SGCZ: variants seen among roughly 807,000 people sequenced by gnomAD.
SGCZ encodes sarcoglycan zeta.
In SGCZ, 40 loss-of-function variants were observed where a neutral mutation model predicts 41.3. That is an observed-to-expected ratio of 0.97 (90% CI 0.75 to 1.26). The LOEUF (loss-of-function observed/expected upper bound fraction) is 1.26, where lower values mean the gene tolerates loss of function less well. SGCZ is among the 50% of genes most tolerant of loss of function. The probability of loss-of-function intolerance (pLI) is 0.00; values close to 1 mark genes in which losing one functional copy is unlikely to be tolerated. For missense variants in SGCZ, 552 were observed against 369.8 expected (o/e 1.49, Z -4.04); for synonymous variants, 206 against 137.5 (o/e 1.50, Z -3.49).
intron 1 of SGCZ, among the ~76,000 whole-genome samples, chr8:14,928,586 A>G (rs1044099382): frequency 6.6e-6 from 1 of 152,234 alleles, no homozygotes; most frequent in Non-Finnish European, 1.5e-5. Flanking sequence ...AAATGAAAAC[A>G]AAGTAGTTTA....
intron 1 of SGCZ, among the ~76,000 whole-genome samples, chr8:15,164,440 G>A (rs1799595899): frequency 6.6e-6 from 1 of 152,086 alleles, no homozygotes; most frequent in African/African-American, 2.4e-5. Flanking sequence ...ACGGGTTTGG[G>A]AGCCACTGGC....
intron 1 of SGCZ, among the ~76,000 whole-genome samples, chr8:15,173,298 G>T (rs754195672): frequency 1.3e-5 from 2 of 152,132 alleles, no homozygotes; most frequent in Non-Finnish European, 2.9e-5. Flanking sequence ...AGATCTCCAG[G>T]AATTTTTCAT....
At chr8:15,200,700 A>T (rs1800862985) in intron 1 of SGCZ, among the ~76,000 whole-genome samples, 1 of 152,212 alleles carries the variant, frequency 6.6e-6, no homozygotes, top group Admixed American at 6.5e-5. Flanking sequence ...AGTAGATCAG[A>T]AATGCAAGTT....
At chr8:14,702,971 A>C (rs1451856041) in intron 1 of SGCZ, among the ~76,000 whole-genome samples, 2 of 49,746 alleles carry the variant, frequency 4.0e-5, no homozygotes, top group African/African-American at 1.6e-4. Context: ...ATAGATAGAT[A>C]GACAGACAGA....
intron 1 of SGCZ, among the ~76,000 whole-genome samples, chr8:14,867,073 C>G (rs766068952): frequency 3.9e-5 from 6 of 152,102 alleles, no homozygotes; most frequent in Non-Finnish European, 7.4e-5. Context: ...TTCCCAATGT[C>G]TAGGTCATTC....
At chr8:14,785,967 A>C (rs1032994984) in intron 1 of SGCZ, among the ~76,000 whole-genome samples, 1 of 147,668 alleles carries the variant, frequency 6.8e-6, no homozygotes, top group Non-Finnish European at 1.5e-5. Context: ...CTCCAAAAAA[A>C]GTGACTCACA....
At chr8:14,717,520 G>A (rs1809730604) in intron 1 of SGCZ, among the ~76,000 whole-genome samples, 1 of 152,100 alleles carries the variant, frequency 6.6e-6, no homozygotes, top group African/African-American at 2.4e-5. Context: ...GACTCAAGGA[G>A]AGGAGAGTTC....
rs79891279 is a variant in SGCZ, at chr8:14,690,279, T to C, written c.40-135353A>G. 342 of 152,260 alleles carry C rather than the reference T, an allele frequency of 2.2e-3. 3 individuals carry two copies. Among genetic ancestry groups the C allele is most frequent in the African/African-American group, 8.1e-3 (335 of 41,548 alleles). 9.4% of individuals were successfully genotyped at this position (152,260 alleles called of 1,614,324 possible). A position where few individuals can be genotyped will look rare whatever the true frequency, so the allele number is the denominator to read the frequency against. On this transcript the variant is annotated intron_variant, in intron 1 of 7. Transcript: ENST00000382080. ...ATGTAGTTTATCCTCCTTGTTTGAC[T>C]AGTTCCACAATTTCAAAAGTCACTC...
chr8:14,447,414 A>G (rs1378516230), intron 2 of SGCZ, among the ~76,000 whole-genome samples: 1 of 152,188 alleles, frequency 6.6e-6, no homozygotes, highest in African/African-American at 2.4e-5. Context: ...CATCTAATGG[A>G]ATCCCAGGCA....
chr8:14,165,319 T>C (rs1398354866), intron 4 of SGCZ: 1 of 152,176 alleles, frequency 6.6e-6, no homozygotes, highest in East Asian at 1.9e-4. Flanking sequence ...ATTTTCCTGA[T>C]TTATTGAAAA....
intron 3 of SGCZ, among the ~76,000 whole-genome samples, chr8:14,280,641 G>T (rs1260330506): frequency 1.3e-5 from 2 of 151,854 alleles, no homozygotes; most frequent in African/African-American, 4.8e-5. Flanking sequence ...TAAATATTAA[G>T]AAATGGCAGT....
intron 1 of SGCZ, among the ~76,000 whole-genome samples, chr8:15,195,506 T>C (rs1800693837): frequency 6.6e-6 from 1 of 152,200 alleles, no homozygotes; most frequent in South Asian, 2.1e-4. Flanking sequence ...TTTTGTCTCC[T>C]GCAAGTTTGT....
intron 1 of SGCZ, among the ~76,000 whole-genome samples, chr8:15,234,854 G>A (rs968092262): frequency 9.9e-5 from 15 of 152,130 alleles, no homozygotes; most frequent in African/African-American, 3.4e-4. Context: ...AAAACCTGAG[G>A]TAAGCAGCTT....
At chr8:14,245,248 T>C (rs1380940576) in intron 3 of SGCZ, among the ~76,000 whole-genome samples, 1 of 152,072 alleles carries the variant, frequency 6.6e-6, no homozygotes, top group East Asian at 1.9e-4. Flanking sequence ...AGAACAGAGA[T>C]ATAGATCAAT....
intron 2 of SGCZ, among the ~76,000 whole-genome samples, chr8:14,544,303 C>G (rs1438052318): frequency 1.3e-5 from 2 of 152,076 alleles, no homozygotes; most frequent in Non-Finnish European, 2.9e-5. Flanking sequence ...ACTGTGGTAA[C>G]TGTACAAATT....
intron 1 of SGCZ, among the ~76,000 whole-genome samples, chr8:14,816,062 C>T (rs1801894343): frequency 6.6e-6 from 1 of 152,190 alleles, no homozygotes. Flanking sequence ...CCATTTAATG[C>T]AGTATGTCAA....
intron 3 of SGCZ, among the ~76,000 whole-genome samples, chr8:14,252,341 T>C (rs1013484175): frequency 6.6e-6 from 1 of 152,246 alleles, no homozygotes; most frequent in African/African-American, 2.4e-5. Flanking sequence ...TTGTTTTTAT[T>C]GTTATTGGGT....
At chr8:15,227,072 T>C (rs1168705363) in intron 1 of SGCZ, among the ~76,000 whole-genome samples, 3 of 152,108 alleles carry the variant, frequency 2.0e-5, no homozygotes, top group Non-Finnish European at 4.4e-5. Flanking sequence ...TTCTAGCAGA[T>C]TGCTGGAAAT....
At chr8:14,854,332 T>G (rs1247331346) in intron 1 of SGCZ, among the ~76,000 whole-genome samples, 1 of 151,786 alleles carries the variant, frequency 6.6e-6, no homozygotes, top group Non-Finnish European at 1.5e-5. Context: ...TAATTTGTAT[T>G]CATTGAATAA....
Sources: gnomAD v4.1 joint callset for allele counts (sites outside exome capture counted in the v4.1 genomes callset) on GRCh38, gnomAD v4.1.1 for gene constraint, MANE v1.5 for transcripts, NCBI Gene and HGNC (gene_info 2026-07-23, HGNC 2026-07-21) for gene names.